PRORP: variants seen among roughly 807,000 people sequenced by gnomAD.
PRORP encodes the protein mitochondrial ribonuclease P catalytic subunit.
A neutral mutation model predicts 59.4 loss-of-function variants in PRORP; 51 were observed. The ratio of observed to expected loss-of-function variants is 0.86; its 90% CI spans 0.69 to 1.08. PRORP has a LOEUF of 1.08. Among genes scored for constraint, PRORP ranks in the 50% least tolerant of loss-of-function variants. PRORP has a pLI of 0.00. For synonymous variants in PRORP, 231 were observed against 245.6 expected (o/e 0.94, Z 0.55); for missense variants, 646 against 690.3 (o/e 0.94, Z 0.72).
chr14:35,141,383 C>T (rs2047477377), intron 4 of PRORP, among the ~76,000 whole-genome samples: 1 of 144,510 alleles, frequency 6.9e-6, no homozygotes. Context: ...GCCTCATCCT[C>T]CTGGGTAGCT....
rs1052866518 is a variant in PRORP, at chr14:35,274,816, T to C, written c.*1250T>C. ...CAGTATATGTGGGCTTTCTAAAATA[T>C]GCCAATTTTTTTCCACTTAATCAAG... On this transcript the variant is annotated 3_prime_UTR_variant, in exon 8 of 8. Transcript: ENST00000534898. 1 of 152,228 alleles carries C rather than the reference T, an allele frequency of 6.6e-6. No individual in the cohort carries two copies. The highest frequency in any genetic ancestry group is 1.9e-4 in the East Asian group (1 of 5,206). 9.4% of individuals were successfully genotyped at this position (152,228 alleles called of 1,614,324 possible).
At chr14:35,221,246 A>C (rs2049772481) in intron 5 of PRORP, among the ~76,000 whole-genome samples, 1 of 93,262 alleles carries the variant, frequency 1.1e-5, no homozygotes, top group Non-Finnish European at 2.7e-5. Context: ...ATACCAAAAA[A>C]CTTATAATTA....
chr14:35,197,971 G>A (rs1470464596), intron 5 of PRORP, among the ~76,000 whole-genome samples: 1 of 152,176 alleles, frequency 6.6e-6, no homozygotes, highest in Non-Finnish European at 1.5e-5. Flanking sequence ...CTTAAGAGCA[G>A]GGGCTCATGC....
intron 4 of PRORP, among the ~76,000 whole-genome samples, chr14:35,169,404 A>G (rs1372739694): frequency 1.3e-5 from 2 of 152,174 alleles, no homozygotes; most frequent in African/African-American, 4.8e-5. Context: ...TGGTTAGTCT[A>G]TTCTCACACT....
intron 5 of PRORP, among the ~76,000 whole-genome samples, chr14:35,238,299 A>T (rs1296306654): frequency 6.6e-6 from 1 of 152,202 alleles, no homozygotes; most frequent in Non-Finnish European, 1.5e-5. Flanking sequence ...ATGCATTTGT[A>T]ATTCCCAAAC....
At chr14:35,265,041 C>G (rs2051007877) in intron 5 of PRORP, among the ~76,000 whole-genome samples, 1 of 152,042 alleles carries the variant, frequency 6.6e-6, no homozygotes, top group African/African-American at 2.4e-5. Context: ...CTCGATAATT[C>G]ATTATTAGAT....
chr14:35,248,988 G>A (rs1322379612), intron 5 of PRORP, among the ~76,000 whole-genome samples: 2 of 152,136 alleles, frequency 1.3e-5, no homozygotes, highest in East Asian at 1.9e-4. Context: ...TCAATTACAG[G>A]CATTATGTTT....
At chr14:35,232,177 G>A (rs1346336270) in intron 5 of PRORP, among the ~76,000 whole-genome samples, 1 of 151,242 alleles carries the variant, frequency 6.6e-6, no homozygotes, top group East Asian at 1.9e-4. Context: ...CCCCCTGTTT[G>A]GTATGGCCAT....
At chr14:35,150,956 T>C (rs1269228142) in intron 4 of PRORP, among the ~76,000 whole-genome samples, 1 of 152,214 alleles carries the variant, frequency 6.6e-6, no homozygotes, top group East Asian at 1.9e-4. Flanking sequence ...GAGAGTCTTA[T>C]CTTTCTTACA....
Position 35,270,555 on chromosome 14 carries a change from G to T in PRORP, c.1579G>T (p.Ala527Ser). Residue 527 changes from alanine to serine, a missense_variant, in exon 7 of 8, where the codon GCA becomes TCA. By Grantham distance (99) the Ala-to-Ser change is moderately conservative. Coordinates refer to ENST00000534898, the MANE Select transcript of PRORP (RefSeq NM_014672.4). ...TAAGTGGCAGCAGGGACATCAGCTG[G>T]CAATTGTAAATAGGTTTCCAGGATC... Reference protein sequence around the residue: ...FFKWQQGHQLAIVNRFPGSKL... With the variant: ...FFKWQQGHQLSIVNRFPGSKL... 1.2e-6 allele frequency: 2 copies of T among 1,614,150 alleles called. No homozygotes were observed. Among genetic ancestry groups the T allele is most frequent in the Non-Finnish European group, 1.7e-6 (2 of 1,180,038 alleles).
rs78053421 is a variant in PRORP, at chr14:35,189,403, A to G, written c.1275+8626A>G. Among the ~76,000 whole-genome samples, 446 of 145,542 alleles carry G rather than the reference A, an allele frequency of 3.1e-3. 4 individuals carry two copies. Among genetic ancestry groups the G allele is most frequent in the African/African-American group, 0.011 (419 of 39,754 alleles). On this transcript the variant is annotated intron_variant, in intron 5 of 7. Transcript: ENST00000534898. ...AAAGTAATATATTTCCCTGGTTTCA[A>G]TTTTTCAGAAAAAGAAAAATTCTGA...
intron 4 of PRORP, among the ~76,000 whole-genome samples, chr14:35,131,079 A>C (rs1220284835): frequency 2.0e-5 from 3 of 151,546 alleles, no homozygotes; most frequent in Non-Finnish European, 4.4e-5. Context: ...AATAGCTAGG[A>C]TTATAGGCGT....
At chr14:35,210,400 G>A in intron 5 of PRORP, among the ~76,000 whole-genome samples, 1 of 152,032 alleles carries the variant, frequency 6.6e-6, no homozygotes, top group Non-Finnish European at 1.5e-5. Flanking sequence ...AATGAATGAG[G>A]TACAAAGTCA....
intron 5 of PRORP, among the ~76,000 whole-genome samples, chr14:35,233,040 A>G (rs946623747): frequency 6.6e-6 from 1 of 152,070 alleles, no homozygotes; most frequent in East Asian, 1.9e-4. Flanking sequence ...TCATTCTCTT[A>G]ATCTCTTTCA....
At chr14:35,146,407 C>T (rs1023836613) in intron 4 of PRORP, among the ~76,000 whole-genome samples, 1 of 152,064 alleles carries the variant, frequency 6.6e-6, no homozygotes, top group Admixed American at 6.5e-5. Flanking sequence ...AATGAAATGT[C>T]AGTATAAGAA....
At chr14:35,199,631 A>G (rs1566493006) in intron 5 of PRORP, among the ~76,000 whole-genome samples, 1 of 152,194 alleles carries the variant, frequency 6.6e-6, no homozygotes, top group East Asian at 1.9e-4. Context: ...CCAGATACAG[A>G]ACCTGCTGGC....
intron 4 of PRORP, among the ~76,000 whole-genome samples, chr14:35,129,130 C>T (rs1428849551): frequency 7.2e-5 from 11 of 151,872 alleles, no homozygotes; most frequent in Admixed American, 7.2e-4. Context: ...ATCGCTTGAA[C>T]CCAGGAGGCG....
intron 4 of PRORP, among the ~76,000 whole-genome samples, chr14:35,165,145 TG>T (rs2048152369): frequency 6.6e-6 from 1 of 152,196 alleles, no homozygotes; most frequent in Admixed American, 6.5e-5. Context: ...TAAACATAGT[TG>T]TTTTGATGTC....
At chr14:35,270,664 A>C (rs2051163809) in intron 7 of PRORP, 68 bp downstream of exon 7, 15 of 1,395,492 alleles carry the variant, frequency 1.1e-5, no homozygotes, top group Non-Finnish European at 1.5e-5. Flanking sequence ...GGCATAGAAA[A>C]AGAGTGTCAC....
Sources: gnomAD v4.1 joint callset for allele counts (sites outside exome capture counted in the v4.1 genomes callset) on GRCh38, gnomAD v4.1.1 for gene constraint, MANE v1.5 for transcripts, NCBI Gene and HGNC (gene_info 2026-07-23, HGNC 2026-07-21) for gene names.